The following TMCC2 variants were observed in gnomAD, a reference collection of about 807,000 sequenced individuals.
TMCC2 encodes transmembrane and coiled-coil domains protein 2.
TMCC2 carries 16 observed loss-of-function variants against 49.4 expected under a neutral mutation model. The observed-to-expected ratio is 0.32, with a 90% confidence interval of 0.22 to 0.49. The LOEUF is 0.49. Ranked by LOEUF, TMCC2 falls within the 20% of genes least tolerant of loss-of-function variation. The probability of loss-of-function intolerance (pLI) is 0.99; values close to 1 mark genes in which losing one functional copy is unlikely to be tolerated. For missense variants in TMCC2, 762 were observed against 989.8 expected (o/e 0.77, Z 3.09); for synonymous variants, 397 against 434.1 (o/e 0.91, Z 1.06).
chr1:205,263,984 T>C (rs1661219647), intron 2 of TMCC2, among the ~76,000 whole-genome samples: 1 of 152,238 alleles, frequency 6.6e-6, no homozygotes, highest in Non-Finnish European at 1.5e-5. Context: ...AAGTTACATC[T>C]GTAGGCCTTG....
intron 1 of TMCC2, among the ~76,000 whole-genome samples, chr1:205,240,716 C>T (rs1017814988): frequency 2.0e-5 from 3 of 152,194 alleles, no homozygotes; most frequent in African/African-American, 7.2e-5. Context: ...TCAACCATGT[C>T]ATCTTGTGGT....
chr1:205,240,472 A>G (rs904908546), intron 1 of TMCC2, among the ~76,000 whole-genome samples: 2 of 152,260 alleles, frequency 1.3e-5, no homozygotes, highest in African/African-American at 2.4e-5. Flanking sequence ...TCACATTACT[A>G]TGTCACAAGG....
chr1:205,229,735 T>C, intron 1 of TMCC2: 2 of 985,490 alleles, frequency 2.0e-6, no homozygotes, highest in Admixed American at 6.1e-5. Flanking sequence ...GCATACATGC[T>C]GAGCCAGCAG....
chr1:205,256,650 A>G (rs1295439804), intron 2 of TMCC2, among the ~76,000 whole-genome samples: 1 of 152,194 alleles, frequency 6.6e-6, no homozygotes, highest in East Asian at 1.9e-4. Context: ...GCCTTAAGCC[A>G]ACGGGCAGGG....
At chr1:205,251,564 C>T (rs1284467186) in intron 2 of TMCC2, among the ~76,000 whole-genome samples, 1 of 152,232 alleles carries the variant, frequency 6.6e-6, no homozygotes, top group Non-Finnish European at 1.5e-5. Flanking sequence ...ACCAGGAGGC[C>T]TCCTTTGGGC....
At chr1:205,256,404 G>A (rs1660874236) in intron 2 of TMCC2, 3 of 1,551,034 alleles carry the variant, frequency 1.9e-6, no homozygotes, top group East Asian at 4.9e-5. Flanking sequence ...AGTCCAAGGA[G>A]GAAGAGACTG....
chr1:205,252,809 A>ATTT lies in TMCC2; in HGVS notation c.747+10776_747+10778dup, dbSNP rs71147737. On this transcript the variant is annotated intron_variant, in intron 2 of 4. Transcript: ENST00000358024. ...CACCCTTCAAAATGTGTGGTTTGTG[A>ATTT]TTTTTTTTTTTTTAAGAGAAAGAAA... Among the ~76,000 whole-genome samples the ATTT allele has an allele frequency of 4.9e-3, 722 of 147,318 alleles. 4 individuals are homozygous for ATTT. The highest frequency in any genetic ancestry group is 5.0e-3 in the Non-Finnish European group (335 of 67,012).
intron 1 of TMCC2, chr1:205,234,082 T>A (rs943611517): frequency 6.6e-6 from 1 of 152,124 alleles, no homozygotes; most frequent in Non-Finnish European, 1.5e-5. Context: ...ATTCCTGCAA[T>A]CTCAGGTGGG....
chr1:205,259,082 G>T (rs1245062049), intron 2 of TMCC2, among the ~76,000 whole-genome samples: 2 of 152,190 alleles, frequency 1.3e-5, no homozygotes, highest in East Asian at 3.9e-4. Context: ...GGGCCTGCTT[G>T]TCTAGACCCA....
intron 2 of TMCC2, among the ~76,000 whole-genome samples, chr1:205,247,290 AG>A (rs1310824798): frequency 6.6e-6 from 1 of 152,164 alleles, no homozygotes; most frequent in Non-Finnish European, 1.5e-5. Flanking sequence ...AGGTCTTGGC[AG>A]GGAGACAAGG....
At position 205,263,124 on chromosome 1, in the gene TMCC2, T is replaced by C. The variant is rs183406801; in HGVS notation, c.748-5826T>C. 2.8e-3 allele frequency among the ~76,000 whole-genome samples: 430 copies of C among 152,168 alleles called. 2 individuals are homozygous for C. Among genetic ancestry groups the C allele is most frequent in the African/African-American group, 9.9e-3 (413 of 41,508 alleles). Reference sequence around the variant, plus strand: ...CTCTTCTCTCTCTTGTTCTGAGGTTTGCCCACATGCATGCAGGTACACACA... The same window carrying C: ...CTCTTCTCTCTCTTGTTCTGAGGTTCGCCCACATGCATGCAGGTACACACA... On this transcript the variant is annotated intron_variant, in intron 2 of 4. Transcript: ENST00000358024.
intron 1 of TMCC2, chr1:205,229,545 C>CGGGGGGGGGGGGGGGGGGGGGGGGGGGG (rs1241476015): frequency 7.0e-6 from 2 of 283,958 alleles, no homozygotes; most frequent in African/African-American, 2.0e-4. Context: ...TGTGAAGGGG[C>CGGGGGGGGGGGGGGGGGGGGGGGGGGGG]GGGGGGGGGG....
intron 2 of TMCC2, among the ~76,000 whole-genome samples, chr1:205,265,111 C>T (rs1046296863): frequency 2.0e-5 from 3 of 152,112 alleles, no homozygotes; most frequent in South Asian, 2.1e-4. Flanking sequence ...TGTGGAGGGA[C>T]GGAAGGAGCT....
At chr1:205,232,759 A>C (rs981773090) in intron 1 of TMCC2, among the ~76,000 whole-genome samples, 1 of 151,768 alleles carries the variant, frequency 6.6e-6, no homozygotes, top group Non-Finnish European at 1.5e-5. Flanking sequence ...ACATGGTAAA[A>C]TCCTGTCTCT....
chr1:205,241,872 G>A lies in TMCC2; in HGVS notation c.575G>A (p.Arg192His), dbSNP rs200029580. The A allele has an allele frequency of 1.8e-4, 289 of 1,604,022 alleles. No homozygotes were observed. Among genetic ancestry groups the A allele is most frequent in the Non-Finnish European group, 2.3e-4 (271 of 1,176,906 alleles). The stretch of plus-strand genomic sequence containing the variant: ...AAGAGTAGCTCCCTGGAGCCCCAGC[G>A]TGGCAGCCCTCACCTGCTGCGCAAG... ...RTKSSSLEPQRGSPHLLRKAP... is the reference protein window; with the variant it reads ...RTKSSSLEPQHGSPHLLRKAP... Residue 192 changes from arginine to histidine, a missense_variant, in exon 2 of 5, where the codon CGT becomes CAT. By Grantham distance (29) the Arg-to-His change is conservative. Around this residue, in one of 2 missense-constraint regions of TMCC2, gnomAD observed 322 missense variants for 353.1 expected, o/e 0.91. Coordinates refer to ENST00000358024, the MANE Select transcript of TMCC2 (RefSeq NM_014858.4). This position sits in a 1 kb window ranked among gnomAD's most constrained non-coding sequence, Gnocchi z 7.3.
intron 2 of TMCC2, chr1:205,246,731 A>G (rs1353910044): frequency 3.9e-5 from 60 of 1,542,690 alleles, no homozygotes; most frequent in Admixed American, 5.9e-5. Flanking sequence ...AATTAGAAAA[A>G]TCCTGTCAAG....
chr1:205,248,172 T>C (rs997651021), intron 2 of TMCC2, among the ~76,000 whole-genome samples: 1 of 152,182 alleles, frequency 6.6e-6, no homozygotes, highest in Non-Finnish European at 1.5e-5. Flanking sequence ...TTTGGGAGGC[T>C]GATTTGCGTG....
In TMCC2 at chr1:205,266,116, CTG is replaced by C. The variant is rs569264788; in HGVS notation, c.748-2832_748-2831del. On this transcript the variant is annotated intron_variant, in intron 2 of 4. Transcript: ENST00000358024. ...ATTAGCCGGGCATGGTGGCAGGCGC[CTG>C]TAGTCCCAGCTACTCGGGAGGCCGA... 5.3e-3 allele frequency among the ~76,000 whole-genome samples: 802 copies of C among 151,484 alleles called. 11 individuals carry two copies. Among genetic ancestry groups the C allele is most frequent in the African/African-American group, 0.018 (748 of 41,348 alleles).
intron 2 of TMCC2, among the ~76,000 whole-genome samples, chr1:205,249,605 C>T (rs1329414783): frequency 1.3e-5 from 2 of 152,222 alleles, no homozygotes; most frequent in Non-Finnish European, 2.9e-5. Context: ...CCTGTTCACA[C>T]GAATGCATCC....
Sources: allele counts gnomAD v4.1 joint callset (sites outside exome capture counted in the v4.1 genomes callset), GRCh38; gene constraint gnomAD v4.1.1; regional missense constraint gnomAD v4.1.1; non-coding constraint Gnocchi (gnomAD v3.1); transcripts MANE v1.5; gene names NCBI Gene and HGNC (gene_info 2026-07-23, HGNC 2026-07-21).